SHC3: variants seen among roughly 807,000 people sequenced by gnomAD.
SHC3 encodes SHC-transforming protein 3.
SHC3 carries 15 observed loss-of-function variants against 60.4 expected under a neutral mutation model. The observed-to-expected ratio is 0.25, with a 90% CI of 0.17 to 0.38. The LOEUF is 0.38. Ranked by LOEUF, SHC3 falls within the 10% of genes least tolerant of loss-of-function variation. The pLI, the probability that SHC3 is intolerant of heterozygous loss-of-function variation, is 1.00. For synonymous variants in SHC3, 294 were observed against 325.9 expected (o/e 0.90, Z 1.05); for missense variants, 677 against 786.1 (o/e 0.86, Z 1.66).
intron 2 of SHC3, among the ~76,000 whole-genome samples, chr9:89,092,978 C>T (rs186294965): frequency 6.6e-6 from 1 of 152,250 alleles, no homozygotes; most frequent in East Asian, 1.9e-4. Flanking sequence ...ATGCACATAT[C>T]AAAATGTGTT....
At chr9:89,045,927 T>A in intron 8 of SHC3, 94 bp from the exon 9 acceptor site, 2 of 1,276,308 alleles carry the variant, frequency 1.6e-6, no homozygotes, top group Non-Finnish European at 2.2e-6. Flanking sequence ...AGTTGATCCT[T>A]AAGGTGGTTC....
At chr9:89,030,390 A>C (rs1824463130) in intron 11 of SHC3, among the ~76,000 whole-genome samples, 2 of 152,238 alleles carry the variant, frequency 1.3e-5, no homozygotes, top group Admixed American at 1.3e-4. Context: ...ATAGATATCT[A>C]TAAAGAACTC....
intron 2 of SHC3, among the ~76,000 whole-genome samples, chr9:89,106,568 T>G (rs555609691): frequency 6.6e-6 from 1 of 152,154 alleles, no homozygotes; most frequent in Admixed American, 6.5e-5. Context: ...TGAGCAGACA[T>G]CCTAGCTTCC....
chr9:89,042,934 C>T (rs572335348), intron 9 of SHC3, among the ~76,000 whole-genome samples: 2 of 152,166 alleles, frequency 1.3e-5, no homozygotes, highest in Non-Finnish European at 1.5e-5. Flanking sequence ...TGTTCTGTCA[C>T]CCAGACCCTG....
intron 6 of SHC3, among the ~76,000 whole-genome samples, chr9:89,064,882 C>A (rs940940319): frequency 6.6e-6 from 1 of 151,978 alleles, no homozygotes; most frequent in Non-Finnish European, 1.5e-5. Context: ...AAAGGGAGTG[C>A]TGTTTTGTGC....
In SHC3 at chr9:89,178,170, C is replaced by G. The variant is rs61755089; in HGVS notation, c.291G>C (p.Ser97=). The G allele has an allele frequency of 0.091, 117,964 of 1,298,842 alleles. 5,920 individuals carry two copies. The highest frequency in any genetic ancestry group is 0.15 in the Admixed American group (3,661 of 23,818). 80.5% of individuals were successfully genotyped at this position (1,298,842 alleles called of 1,614,324 possible). A position where few individuals can be genotyped will look rare whatever the true frequency, so the allele number is the denominator to read the frequency against. ...CCAGGCTGGGCGCGCTGCAGCTGCC[C>G]GAGAGCCGCGCGCCCGCCCGCTCCC... is the stretch of plus-strand genomic sequence containing the variant. The part of the protein sequence containing the change: ...AARERAGARL[S]GSCSAPSLAA... The change falls in exon 1 of 12, where the codon TCG becomes TCC. Residue 97 remains serine (S), a synonymous_variant. Coordinates refer to ENST00000375835, the MANE Select transcript of SHC3 (RefSeq NM_016848.6). The surrounding 1 kb of genome is among the most constrained non-coding windows in gnomAD (Gnocchi z 6.9).
At chr9:89,036,620 C>G (rs1824583087) in intron 11 of SHC3, among the ~76,000 whole-genome samples, 1 of 152,154 alleles carries the variant, frequency 6.6e-6, no homozygotes, top group Admixed American at 6.5e-5. Flanking sequence ...CCAGGCAGCC[C>G]ACCACAGTAA....
intron 1 of SHC3, among the ~76,000 whole-genome samples, chr9:89,127,281 G>A (rs1587741711): frequency 6.6e-6 from 1 of 152,194 alleles, no homozygotes; most frequent in East Asian, 1.9e-4. Flanking sequence ...CTTTCTCTAA[G>A]CACCTGGGAG....
At chr9:89,039,767 A>G (rs940128164) in intron 10 of SHC3, among the ~76,000 whole-genome samples, 3 of 151,306 alleles carry the variant, frequency 2.0e-5, no homozygotes, top group Non-Finnish European at 4.4e-5. Flanking sequence ...CATCAACACT[A>G]TCATCACTAT....
intron 2 of SHC3, among the ~76,000 whole-genome samples, chr9:89,083,882 C>T (rs933097686): frequency 3.3e-5 from 5 of 152,096 alleles, no homozygotes; most frequent in African/African-American, 9.7e-5. Flanking sequence ...GCCGAGGGCA[C>T]GTAGGAGCCC....
At chr9:89,115,292 C>A (rs920888988) in intron 1 of SHC3, among the ~76,000 whole-genome samples, 4 of 152,124 alleles carry the variant, frequency 2.6e-5, no homozygotes, top group Non-Finnish European at 5.9e-5. Flanking sequence ...TGACCAATAT[C>A]ACAGAATATT....
chr9:89,165,816 C>T (rs1261183993), intron 1 of SHC3, among the ~76,000 whole-genome samples: 11 of 152,174 alleles, frequency 7.2e-5, no homozygotes, highest in Non-Finnish European at 1.5e-4. Context: ...GCAGGTTGCA[C>T]CACCAGTTAG....
At chr9:89,050,339 G>A (rs1161367167) in intron 7 of SHC3, among the ~76,000 whole-genome samples, 1 of 152,198 alleles carries the variant, frequency 6.6e-6, no homozygotes, top group East Asian at 1.9e-4. Flanking sequence ...AGGCTGGAGT[G>A]CAGCAGCACA....
intron 4 of SHC3, among the ~76,000 whole-genome samples, chr9:89,072,049 C>T (rs1825282720): frequency 6.6e-6 from 1 of 152,174 alleles, no homozygotes; most frequent in Admixed American, 6.5e-5. Flanking sequence ...AATGTTTAAT[C>T]TGTAACATTT....
chr9:89,076,944 C>T (rs1587713319), intron 3 of SHC3, among the ~76,000 whole-genome samples: 1 of 152,072 alleles, frequency 6.6e-6, no homozygotes, highest in Middle Eastern at 3.4e-3. Flanking sequence ...TTTGGGAAGC[C>T]AAGGCGGGTG....
chr9:89,149,434 G>C (rs1826514237), intron 1 of SHC3, among the ~76,000 whole-genome samples: 1 of 151,986 alleles, frequency 6.6e-6, no homozygotes, highest in South Asian at 2.1e-4. Context: ...ACTTAATCTA[G>C]GGAAATAATC....
intron 11 of SHC3, among the ~76,000 whole-genome samples, chr9:89,027,693 AAAAAGGACAGTGCAGG>A (rs1826343407): frequency 6.6e-6 from 1 of 152,218 alleles, no homozygotes; most frequent in Non-Finnish European, 1.5e-5. Context: ...CCGAACCCAG[AAAAAGGACAGTGCAGG>A]AATTAACAAC....
intron 1 of SHC3, among the ~76,000 whole-genome samples, chr9:89,147,781 G>C (rs761457175): frequency 3.3e-5 from 5 of 151,920 alleles, no homozygotes; most frequent in Non-Finnish European, 7.4e-5. Flanking sequence ...AGGCTCTCTG[G>C]TGTTGACATT....
chr9:89,169,855 T>C (rs535041116), intron 1 of SHC3, among the ~76,000 whole-genome samples: 2 of 152,292 alleles, frequency 1.3e-5, no homozygotes, highest in South Asian at 4.1e-4. Flanking sequence ...AATAAATGTT[T>C]AAATTTCATA....
Sources: gnomAD v4.1 joint callset for allele counts (sites outside exome capture counted in the v4.1 genomes callset) on GRCh38, gnomAD v4.1.1 for gene constraint, Gnocchi (gnomAD v3.1) non-coding constraint, MANE v1.5 for transcripts, NCBI Gene and HGNC (gene_info 2026-07-23, HGNC 2026-07-21) for gene names.